NEXMIF: variants seen among roughly 807,000 people sequenced by gnomAD.
NEXMIF encodes neurite extension and migration factor.
NEXMIF carries 8 observed loss-of-function variants against 62.1 expected under a neutral mutation model. The ratio of observed to expected loss-of-function variants is 0.13; its 90% CI spans 0.08 to 0.23. The LOEUF is 0.23. Among genes scored for constraint, NEXMIF ranks in the 10% least tolerant of loss-of-function variants. NEXMIF has a pLI of 1.00. For missense variants in NEXMIF, 976 were observed against 1,113.3 expected, an observed-to-expected ratio of 0.88 and a Z score of 1.75; for synonymous variants, 404 against 416.6, an observed-to-expected ratio of 0.97 and a Z score of 0.37.
At chrX:74,921,303 C>T (rs1041503571) in intron 1 of NEXMIF, among the ~76,000 whole-genome samples, 5 of 111,117 alleles carry the variant, frequency 4.5e-5, no homozygotes, top group African/African-American at 9.8e-5. Context: ...TCTATCATCA[C>T]TAAAAGGCAG....
At chrX:74,878,541 T>G (rs1389264457) in intron 1 of NEXMIF, among the ~76,000 whole-genome samples, 1 of 112,643 alleles carries the variant, frequency 8.9e-6, no homozygotes, top group Admixed American at 9.3e-5. Context: ...CTGGCTGCTT[T>G]GTTTACCTAA....
chrX:74,747,437 C>T (rs1416818482), intron 1 of NEXMIF, among the ~76,000 whole-genome samples: 1 of 110,898 alleles, frequency 9.0e-6, no homozygotes, highest in Non-Finnish European at 1.9e-5. Context: ...ATGCCATCTC[C>T]ATGATTCTTA....
At chrX:74,779,699 C>T (rs1465476377) in intron 1 of NEXMIF, among the ~76,000 whole-genome samples, 1 of 112,031 alleles carries the variant, frequency 8.9e-6, no homozygotes, top group Non-Finnish European at 1.9e-5. Flanking sequence ...TTTCTGAATG[C>T]CTTTTGCTCC....
rs1386971417 is a variant in NEXMIF, at chrX:74,875,935, CA to C, written c.-48+48947del. On this transcript the variant is annotated intron_variant, in intron 1 of 3. Coordinates refer to ENST00000055682, the MANE Select transcript of NEXMIF (RefSeq NM_001008537.3). ...GGTCTATCAATTTTGTTGATCCTTTCAAAAAACCAGCTCCTAGATTCATTAA... is the reference window on the plus strand; with the variant it reads ...GGTCTATCAATTTTGTTGATCCTTTCAAAAACCAGCTCCTAGATTCATTAA... Among the ~76,000 whole-genome samples the C allele has an allele frequency of 3.8e-5, 4 of 105,817 alleles. No homozygotes were observed. The East Asian group carries it at 1.2e-3, about 31-fold the overall frequency. 91.9% of individuals were successfully genotyped at this position (105,817 alleles called of 115,157 possible).
intron 1 of NEXMIF, among the ~76,000 whole-genome samples, chrX:74,840,677 T>C (rs1166356205): frequency 2.7e-5 from 3 of 112,061 alleles, no homozygotes; most frequent in Non-Finnish European, 5.6e-5. Context: ...AAGGAAGGTG[T>C]CCAGTTTCAA....
intron 1 of NEXMIF, among the ~76,000 whole-genome samples, chrX:74,868,502 T>C (rs2080588213): frequency 9.1e-6 from 1 of 109,957 alleles, no homozygotes; most frequent in South Asian, 3.9e-4. Flanking sequence ...TGGAAGCCAT[T>C]ATCTTCAGCA....
In NEXMIF at chrX:74,740,637, T is replaced by C; in HGVS notation, c.3920A>G (p.Asp1307Gly). Residue 1307 changes from aspartate to glycine, a missense_variant, in exon 3 of 4, where the codon GAT (aspartate) becomes GGT (glycine). By Grantham distance (94) the Asp-to-Gly change is moderately conservative. Around this residue, in one of 5 missense-constraint regions of NEXMIF, gnomAD observed 29 missense variants for 56.5 expected, o/e 0.51. Coordinates refer to ENST00000055682, the MANE Select transcript of NEXMIF (RefSeq NM_001008537.3). ...SMGTNTNSLL[D>G]DDQREFQEPS... ...CTCCTGAAATTCCCGTTGGTCATCA[T>C]CCAGAAGGCTGTTGGTGTTGGTGCC... 8.3e-7 allele frequency: 1 copy of C among 1,211,909 alleles called. No individual in the cohort carries two copies. Among genetic ancestry groups the C allele is most frequent in the Non-Finnish European group, 1.1e-6 (1 of 895,504 alleles).
intron 1 of NEXMIF, among the ~76,000 whole-genome samples, chrX:74,875,272 T>C (rs1232099686): frequency 3.6e-5 from 4 of 111,416 alleles, no homozygotes; most frequent in Non-Finnish European, 7.5e-5. Context: ...TTGTCTTTGG[T>C]TCTGTTTATA....
intron 1 of NEXMIF, among the ~76,000 whole-genome samples, chrX:74,852,168 T>A (rs937477012): frequency 1.8e-5 from 2 of 111,813 alleles, no homozygotes; most frequent in Non-Finnish European, 3.8e-5. Flanking sequence ...AGGGTAGCTA[T>A]GTTTAAATAA....
chrX:74,889,610 A>T (rs1378286484), intron 1 of NEXMIF, among the ~76,000 whole-genome samples: 2 of 111,156 alleles, frequency 1.8e-5, no homozygotes, highest in Admixed American at 1.9e-4. Context: ...ACAACTCAAA[A>T]TAGTAAATCC....
chrX:74,820,328 A>T lies in NEXMIF; in HGVS notation c.-47-74631T>A, dbSNP rs1246078041. Among the ~76,000 whole-genome samples the T allele has an allele frequency of 4.6e-5, 5 of 109,840 alleles. No individual in the cohort carries two copies. In the Admixed American group the frequency reaches 4.9e-4, roughly 11 times the overall value. On this transcript the variant is annotated intron_variant, in intron 1 of 3. Transcript: ENST00000055682. The stretch of plus-strand genomic sequence containing the variant: ...TGTGCACATGTACCCTAGAACTTAA[A>T]GTATAATAATAATAATAATAATAAT...
intron 1 of NEXMIF, among the ~76,000 whole-genome samples, chrX:74,785,388 A>G (rs1171525402): frequency 1.8e-5 from 2 of 111,202 alleles, no homozygotes; most frequent in East Asian, 5.6e-4. Context: ...TTTGTGGTTA[A>G]GGGGTAGATA....
At chrX:74,773,351 A>C (rs914685713) in intron 1 of NEXMIF, among the ~76,000 whole-genome samples, 1 of 112,214 alleles carries the variant, frequency 8.9e-6, no homozygotes, top group African/African-American at 3.2e-5. Flanking sequence ...AGACTCAGTA[A>C]AAGTTAAGTA....
At chrX:74,911,357 T>C (rs748794254) in intron 1 of NEXMIF, among the ~76,000 whole-genome samples, 10 of 109,217 alleles carry the variant, frequency 9.2e-5, no homozygotes, top group Admixed American at 4.8e-4. Flanking sequence ...GAAGTGGAGG[T>C]TGCAGTGAGC....
chrX:74,899,331 G>A (rs2080742024), intron 1 of NEXMIF, among the ~76,000 whole-genome samples: 1 of 111,176 alleles, frequency 9.0e-6, no homozygotes, highest in Admixed American at 9.6e-5. Flanking sequence ...AAACCCTAAA[G>A]ATCGTCCCCC....
chrX:74,881,392 G>GCACACACACACACA (rs367805528), intron 1 of NEXMIF, among the ~76,000 whole-genome samples: 2,270 of 88,508 alleles, frequency 0.026, 64 homozygotes, highest in African/African-American at 0.072. Flanking sequence ...ACATACACAT[G>GCACACACACACACA]CACACACACA....
chrX:74,755,524 GA>G (rs1284620246), intron 1 of NEXMIF, among the ~76,000 whole-genome samples: 7 of 108,141 alleles, frequency 6.5e-5, no homozygotes, highest in African/African-American at 1.3e-4. Context: ...CTTTCACCAA[GA>G]AAAAAAAAAT....
chrX:74,777,798 CTTAGT>C (rs2080232958), intron 1 of NEXMIF, among the ~76,000 whole-genome samples: 1 of 111,492 alleles, frequency 9.0e-6, no homozygotes, highest in South Asian at 3.8e-4. Flanking sequence ...AGGATTGGGG[CTTAGT>C]TAAGTATTTC....
At chrX:74,833,568 T>C (rs772007141) in intron 1 of NEXMIF, among the ~76,000 whole-genome samples, 2 of 111,963 alleles carry the variant, frequency 1.8e-5, no homozygotes, top group South Asian at 7.5e-4. Flanking sequence ...GTTTAGTCCA[T>C]TTACATTCAC....
Sources: gnomAD v4.1 joint callset for allele counts (sites outside exome capture counted in the v4.1 genomes callset) on GRCh38, gnomAD v4.1.1 for gene constraint, gnomAD v4.1.1 regional missense constraint, MANE v1.5 for transcripts, NCBI Gene and HGNC (gene_info 2026-07-23, HGNC 2026-07-21) for gene names.